SCML2: variants seen among roughly 807,000 people sequenced by gnomAD.
SCML2 encodes the protein sex comb on midleg-like protein 2.
A neutral mutation model predicts 48.4 loss-of-function variants in SCML2; 6 were observed. The observed-to-expected ratio is 0.12, with a 90% confidence interval of 0.07 to 0.24. The LOEUF is 0.24. Ranked by LOEUF, SCML2 falls within the 10% of genes least tolerant of loss-of-function variation. The probability of loss-of-function intolerance (pLI) is 1.00; values close to 1 mark genes in which losing one functional copy is unlikely to be tolerated. For missense variants in SCML2, 377 were observed against 528.2 expected, an observed-to-expected ratio of 0.71 and a Z score of 2.81; for synonymous variants, 181 against 189.5, an observed-to-expected ratio of 0.95 and a Z score of 0.37.
At chrX:18,257,475 T>C (rs193185159) in intron 10 of SCML2, among the ~76,000 whole-genome samples, 44 of 112,242 alleles carry the variant, frequency 3.9e-4, no homozygotes, top group African/African-American at 1.2e-3. Context: ...AATCTGTGAC[T>C]TTTGTCCCAA....
intron 1 of SCML2, among the ~76,000 whole-genome samples, chrX:18,337,217 A>C (rs1171904691): frequency 9.9e-6 from 1 of 101,402 alleles, no homozygotes. Flanking sequence ...CAGAAGAATC[A>C]CTTGAACATG....
chrX:18,313,399 C>T (rs1320648765), intron 6 of SCML2, among the ~76,000 whole-genome samples: 1 of 111,201 alleles, frequency 9.0e-6, no homozygotes, highest in Non-Finnish European at 1.9e-5. Flanking sequence ...TCCTCATTTT[C>T]TCTTGCCGCC....
rs1415766310 is a variant in SCML2 at position 18,324,411 on chromosome X, C to G, written c.163-318G>C. Reference sequence around the variant, plus strand: ...ACCATTCCCCTTGAAATTAGCCAACCAGCAGCTCACCACTGCCTATAATGA... The same window carrying G: ...ACCATTCCCCTTGAAATTAGCCAACGAGCAGCTCACCACTGCCTATAATGA... On this transcript the variant is annotated intron_variant, in intron 4 of 14. Transcript: ENST00000251900. Among the ~76,000 whole-genome samples the G allele has an allele frequency of 2.7e-5, 3 of 111,654 alleles. No individual in the cohort carries two copies. The Admixed American group carries it at 2.9e-4, about 11-fold the overall frequency.
Position 18,349,796 on chromosome X carries a change from C to CA in SCML2, c.-25+4795dup, listed in dbSNP as rs780216078. On this transcript the variant is annotated intron_variant, in intron 1 of 14. Transcript: ENST00000251900. The stretch of plus-strand genomic sequence containing the variant: ...TGGGCAACAGAGCGAGACTCCGTCT[C>CA]AAAAAAAAACAAACAAAAAAAAACC... Among the ~76,000 whole-genome samples, 768 of 102,643 alleles carry CA rather than the reference C, an allele frequency of 7.5e-3. 5 individuals carry two copies. The highest frequency in any genetic ancestry group is 0.012 in the Non-Finnish European group (596 of 50,091). The allele number at this position is 102,643 out of a possible 115,157, so 89.1% of individuals were successfully genotyped here.
chrX:18,257,948 A>C, intron 10 of SCML2, 96 bp downstream of exon 10: 1 of 434,502 alleles, frequency 2.3e-6, no homozygotes, highest in Non-Finnish European at 3.9e-6. Context: ...GGAAAGGGGA[A>C]GGGGAGAGGA....
At chrX:18,248,302 A>C (rs1255123698) in intron 11 of SCML2, among the ~76,000 whole-genome samples, 1 of 111,964 alleles carries the variant, frequency 8.9e-6, no homozygotes, top group Non-Finnish European at 1.9e-5. Flanking sequence ...CCTGGCCTAG[A>C]GCTACCCTTA....
rs759431806 is a variant in SCML2 at position 18,304,870 on chromosome X, C to T, written c.730+102G>A. ...TTGTTCTGTCTGCCACCAGTTGGGG[C>T]ATGTACCACCTGGTACCACCAACGC... On this transcript the variant is annotated intron_variant, in intron 7 of 14. Transcript: ENST00000251900. The T allele has an allele frequency of 9.9e-5, 94 of 948,655 alleles. No homozygotes were observed. The African/African-American group carries it at 1.7e-3, about 17-fold the overall frequency. 78.2% of individuals were successfully genotyped at this position (948,655 alleles called of 1,213,427 possible).
At chrX:18,334,869 T>G (rs1929759919) in intron 1 of SCML2, among the ~76,000 whole-genome samples, 2 of 112,244 alleles carry the variant, frequency 1.8e-5, no homozygotes, top group Admixed American at 9.5e-5. Context: ...AAGAACATGA[T>G]GATGTGTATA....
At chrX:18,318,179 T>C (rs964260246) in intron 6 of SCML2, among the ~76,000 whole-genome samples, 1 of 112,757 alleles carries the variant, frequency 8.9e-6, no homozygotes, top group African/African-American at 3.2e-5. Context: ...CACACATGGC[T>C]TACCACTGGC....
intron 11 of SCML2, among the ~76,000 whole-genome samples, chrX:18,254,815 T>G (rs575357076): frequency 9.0e-6 from 1 of 110,920 alleles, no homozygotes; most frequent in African/African-American, 3.3e-5. Context: ...TCCCAGCTAT[T>G]CGGGAGGCTG....
At position 18,319,340 on chromosome X, in the gene SCML2, G is replaced by A. The variant is rs149701942; in HGVS notation, c.486+992C>T. Among the ~76,000 whole-genome samples, 7 of 110,782 alleles carry A rather than the reference G, an allele frequency of 6.3e-5. No individual in the cohort carries two copies. The East Asian group carries it at 1.1e-3, about 18-fold the overall frequency. ...CGGGAAGCCGAGATCACACCACTGC[G>A]CTCCAGCCTGGGTGACAGAGCAAAA... On this transcript the variant is annotated intron_variant, in intron 6 of 14. Coordinates refer to ENST00000251900, the MANE Select transcript of SCML2 (RefSeq NM_006089.3).
intron 7 of SCML2, among the ~76,000 whole-genome samples, chrX:18,273,424 C>A (rs1927524424): frequency 1.8e-5 from 2 of 111,636 alleles, no homozygotes; most frequent in Admixed American, 9.6e-5. Context: ...CCAAATTCAA[C>A]ATTTCCAAAA....
intron 7 of SCML2, among the ~76,000 whole-genome samples, chrX:18,276,909 G>C (rs905184136): frequency 1.8e-5 from 2 of 110,812 alleles, no homozygotes; most frequent in Admixed American, 9.5e-5. Flanking sequence ...ATAAAATGGA[G>C]GTGATGGTTG....
chrX:18,332,285 T>C (rs549224445), intron 2 of SCML2, among the ~76,000 whole-genome samples: 7 of 112,631 alleles, frequency 6.2e-5, no homozygotes, highest in African/African-American at 2.2e-4. Context: ...TCTCCACAGA[T>C]GACCAGTAAG....
At chrX:18,320,997 A>C (rs183376767) in intron 5 of SCML2, among the ~76,000 whole-genome samples, 55 of 111,781 alleles carry the variant, frequency 4.9e-4, no homozygotes, top group Non-Finnish European at 8.8e-4. Flanking sequence ...AAATGTACTA[A>C]AAAATAAGAA....
chrX:18,247,940 T>G, intron 11 of SCML2, 58 bp from the exon 12 acceptor site: 1 of 782,298 alleles, frequency 1.3e-6, no homozygotes, highest in Non-Finnish European at 1.9e-6. Context: ...TCAAGCATTT[T>G]CATATCATCA....
intron 6 of SCML2, 116 bp downstream of exon 6, chrX:18,320,216 G>T: frequency 2.3e-6 from 1 of 440,958 alleles, no homozygotes; most frequent in South Asian, 6.4e-5. Flanking sequence ...TAATACACTT[G>T]CCAATCCAGT....
intron 7 of SCML2, among the ~76,000 whole-genome samples, chrX:18,281,529 T>C (rs1372016193): frequency 9.1e-6 from 1 of 109,855 alleles, no homozygotes; most frequent in South Asian, 3.9e-4. Context: ...CTGGCCAACA[T>C]GGCAAAACCC....
intron 13 of SCML2, 105 bp downstream of exon 13, chrX:18,246,472 A>C (rs1163268348): frequency 2.1e-6 from 2 of 947,240 alleles, no homozygotes; most frequent in East Asian, 6.2e-5. Context: ...CAGCCTCCCA[A>C]ATTTTAGCAC....
Sources: allele counts gnomAD v4.1 joint callset (sites outside exome capture counted in the v4.1 genomes callset), GRCh38; gene constraint gnomAD v4.1.1; transcripts MANE v1.5; gene names NCBI Gene and HGNC (gene_info 2026-07-23, HGNC 2026-07-21).